ACAD10: variants seen among roughly 807,000 people sequenced by gnomAD.
The protein encoded by ACAD10 is ACAD-10.
ACAD10 carries 112 observed loss-of-function variants against 116.8 expected under a neutral mutation model. That is an observed-to-expected ratio of 0.96 (90% CI 0.82 to 1.12). ACAD10 has a LOEUF of 1.12. Ranked by LOEUF, ACAD10 falls within the 50% of genes most tolerant of loss-of-function variation. ACAD10 has a pLI of 0.00. For missense variants in ACAD10, 1,259 were observed against 1,350.2 expected, an observed-to-expected ratio of 0.93 and a Z score of 1.06; for synonymous variants, 486 against 510.6, an observed-to-expected ratio of 0.95 and a Z score of 0.65.
At chr12:111,752,468 T>G (rs1038180191) in intron 18 of ACAD10, among the ~76,000 whole-genome samples, 1 of 151,556 alleles carries the variant, frequency 6.6e-6, no homozygotes, top group Non-Finnish European at 1.5e-5. Flanking sequence ...ATTAGCCAGG[T>G]GTGGTGGCAG....
At chr12:111,755,561 C>A in intron 19 of ACAD10, 107 bp from the exon 20 acceptor site, 1 of 768,348 alleles carries the variant, frequency 1.3e-6, no homozygotes, top group Non-Finnish European at 2.2e-6. Flanking sequence ...TGCTACCACA[C>A]CCTGCTAGTT....
rs1888484872 is a variant in ACAD10 at position 111,705,812 on chromosome 12, G to A, written c.411G>A (p.Val137=). 12 of 1,614,186 alleles carry A rather than the reference G, an allele frequency of 7.4e-6. No individual in the cohort carries two copies. The East Asian group carries it at 1.8e-4, about 24-fold the overall frequency. ...AGCGAGTGGCAAAGCAGTTCCCAGT[G>A]ATGACTGAGGCCATAACTCAAATTC... ...TSERVAKQFP[V]MTEAITQIRA... The change falls in exon 4 of 21, where the codon GTG becomes GTA. Residue 137 remains valine, a synonymous_variant. Transcript: ENST00000313698.
At position 111,744,962 on chromosome 12, in the gene ACAD10, G is replaced by A. The variant is rs746978892; in HGVS notation, c.2034G>A (p.Val678=). 10 of 1,614,024 alleles carry A rather than the reference G, an allele frequency of 6.2e-6. No homozygotes were observed. Among genetic ancestry groups the A allele is most frequent in the African/African-American group, 2.7e-5 (2 of 74,932 alleles). The change falls in exon 13 of 21, where the codon GTG becomes GTA. Residue 678 remains valine, a synonymous_variant. Coordinates refer to ENST00000313698, the MANE Select transcript of ACAD10 (RefSeq NM_025247.6). ...HRLKHFMEQR[V]YPAEPELQSH... ...TGAAGCACTTCATGGAGCAACGTGT[G>A]TACCCTGCAGAGCCAGAGCTGCAGA...
chr12:111,707,679 C>T (rs1888549936), intron 4 of ACAD10, among the ~76,000 whole-genome samples: 1 of 152,164 alleles, frequency 6.6e-6, no homozygotes, highest in Non-Finnish European at 1.5e-5. Flanking sequence ...CTACCAGAGC[C>T]CCTTTCTGAT....
chr12:111,709,675 CACCATTAAGGT>C lies in ACAD10; in HGVS notation c.683_690+3del. 1.2e-6 allele frequency: 2 copies of C among 1,612,442 alleles called. No homozygotes were observed. The highest frequency in any genetic ancestry group is 1.7e-6 in the Non-Finnish European group (2 of 1,179,564). ...AAGAAGCTGCCAGACTTGGTATTCA[CACCATTAAGGT>C]AATAGTCACTAATTTTTGAACTCCC... On this transcript the variant is annotated splice_donor_variant and coding_sequence_variant, in exon 5 of 21. Transcript: ENST00000313698. LOFTEE classifies it high-confidence loss of function.
intron 12 of ACAD10, among the ~76,000 whole-genome samples, chr12:111,743,912 A>G (rs985393535): frequency 2.0e-5 from 3 of 151,546 alleles, no homozygotes; most frequent in South Asian, 2.1e-4. Context: ...ATGCCTGGCT[A>G]ATTTTTGTAT....
At chr12:111,694,098 T>C (rs964171192) in intron 2 of ACAD10, among the ~76,000 whole-genome samples, 6 of 152,208 alleles carry the variant, frequency 3.9e-5, no homozygotes, top group Non-Finnish European at 7.3e-5. Flanking sequence ...TGGCCAGTTC[T>C]CCATCCTAAA....
At chr12:111,714,757 G>C (rs1475251131) in intron 6 of ACAD10, among the ~76,000 whole-genome samples, 1 of 152,020 alleles carries the variant, frequency 6.6e-6, no homozygotes, top group East Asian at 1.9e-4. Context: ...TTGTTGCCCA[G>C]GCTGGAGTGC....
intron 8 of ACAD10, among the ~76,000 whole-genome samples, chr12:111,723,519 T>C (rs1348809915): frequency 8.2e-6 from 1 of 122,506 alleles, no homozygotes; most frequent in African/African-American, 3.2e-5. Flanking sequence ...GCAGAGGGGC[T>C]CCTCACTTCC....
rs551836412 is a variant in ACAD10, at chr12:111,726,338, C to T, written c.1062-1624C>T. On this transcript the variant is annotated intron_variant, in intron 8 of 20. Coordinates refer to ENST00000313698, the MANE Select transcript of ACAD10 (RefSeq NM_025247.6). ...GGATTAGTGACATGTCATTGGGTCA[C>T]CTTAGTACTGCTGGGTGGTATATAC... Among the ~76,000 whole-genome samples the T allele has an allele frequency of 9.2e-5, 14 of 152,130 alleles. 1 individual carries two copies. The highest frequency in any genetic ancestry group is 3.3e-4 in the Admixed American group (5 of 15,266).
At chr12:111,688,430 T>C (rs1887942789) in intron 1 of ACAD10, among the ~76,000 whole-genome samples, 1 of 152,192 alleles carries the variant, frequency 6.6e-6, no homozygotes, top group South Asian at 2.1e-4. Context: ...CTCAAGTTCC[T>C]GATATACAAT....
intron 4 of ACAD10, among the ~76,000 whole-genome samples, chr12:111,708,681 G>GGGCA (rs1250511136): frequency 6.6e-6 from 1 of 152,074 alleles, no homozygotes; most frequent in Admixed American, 6.6e-5. Flanking sequence ...TCTGTTCTTA[G>GGGCA]GGCAGATCAG....
chr12:111,730,493 C>T (rs1889355006), intron 10 of ACAD10, among the ~76,000 whole-genome samples: 1 of 151,442 alleles, frequency 6.6e-6, no homozygotes, highest in Admixed American at 6.6e-5. Context: ...GAGTCTGTAG[C>T]ACGGCTAAAA....
chr12:111,745,516 G>A (rs1325180938), intron 13 of ACAD10: 1 of 185,628 alleles, frequency 5.4e-6, no homozygotes, highest in East Asian at 1.4e-4. Flanking sequence ...ACCTTGGATT[G>A]TGTTAGTTTT....
At chr12:111,717,947 G>A (rs1454809959) in intron 7 of ACAD10, among the ~76,000 whole-genome samples, 1 of 149,116 alleles carries the variant, frequency 6.7e-6, no homozygotes, top group Non-Finnish European at 1.5e-5. Context: ...TTTCTAAGGA[G>A]TCTGTTCATA....
rs1363136501 is a variant in ACAD10 at position 111,749,453 on chromosome 12, G to C, written c.2817+108G>C. ...TCTGAGTGCAGTCCTAGCAGGTGAA[G>C]CAAGGTGATGTCCTTGCCAAGAAGT... On this transcript the variant is annotated intron_variant, in intron 18 of 20. Coordinates refer to ENST00000313698, the MANE Select transcript of ACAD10 (RefSeq NM_025247.6). 4.3e-6 allele frequency: 6 copies of C among 1,382,626 alleles called. No homozygotes were observed. In the Admixed American group the frequency reaches 1.2e-4, roughly 29 times the overall value. The allele number at this position is 1,382,626 out of a possible 1,614,324, so 85.6% of individuals were successfully genotyped here.
intron 2 of ACAD10, among the ~76,000 whole-genome samples, chr12:111,699,386 C>T (rs60677785): frequency 5.9e-5 from 9 of 152,102 alleles, no homozygotes; most frequent in African/African-American, 1.4e-4. Flanking sequence ...GCTGCCACCT[C>T]GACCCTTTCC....
At chr12:111,700,045 A>G (rs1888305702) in intron 2 of ACAD10, among the ~76,000 whole-genome samples, 1 of 152,206 alleles carries the variant, frequency 6.6e-6, no homozygotes, top group African/African-American at 2.4e-5. Flanking sequence ...TTGTGTTCCA[A>G]TAAGACTTTA....
At chr12:111,744,505 G>GCT in intron 12 of ACAD10, 138 bp from the exon 13 acceptor site, 1 of 1,034,486 alleles carries the variant, frequency 9.7e-7, no homozygotes, top group Non-Finnish European at 1.4e-6. Flanking sequence ...AGCTATAGTG[G>GCT]CTCTTAGCAC....
Sources: allele counts gnomAD v4.1 joint callset (sites outside exome capture counted in the v4.1 genomes callset), GRCh38; gene constraint gnomAD v4.1.1; transcripts MANE v1.5; gene names NCBI Gene and HGNC (gene_info 2026-07-23, HGNC 2026-07-21).